CEBPZ: variants seen among roughly 807,000 people sequenced by gnomAD.
The protein encoded by CEBPZ is CCAAT/enhancer-binding protein zeta.
Under a neutral mutation model 104.5 loss-of-function variants are expected in CEBPZ, and 78 were observed. The ratio of observed to expected loss-of-function variants is 0.75; its 90% CI spans 0.62 to 0.90. The LOEUF (loss-of-function observed/expected upper bound fraction) is 0.90, where lower values mean the gene tolerates loss of function less well. Among genes scored for constraint, CEBPZ ranks in the 40% least tolerant of loss-of-function variants. CEBPZ has a pLI of 0.00. For missense variants in CEBPZ, 1,439 were observed against 1,233.5 expected, an observed-to-expected ratio of 1.17 and a Z score of -2.50; for synonymous variants, 470 against 427.0, an observed-to-expected ratio of 1.10 and a Z score of -1.24.
Position 37,211,839 on chromosome 2 carries a change from T to G in CEBPZ, c.2800+4A>C. 3.8e-6 allele frequency: 6 copies of G among 1,577,518 alleles called. No individual in the cohort carries two copies. The Middle Eastern group carries it at 5.1e-4, about 135-fold the overall frequency. On this transcript the variant is annotated splice_donor_region_variant and intron_variant, in intron 12 of 15. Transcript: ENST00000234170. The stretch of plus-strand genomic sequence containing the variant: ...GTTTATGTCTTATTTTAAAAAATGC[T>G]TACCTGGAACGCTCTCACTTTCATC...
intron 13 of CEBPZ, among the ~76,000 whole-genome samples, chr2:37,208,297 T>C (rs562481740): frequency 6.6e-6 from 1 of 152,238 alleles, no homozygotes; most frequent in South Asian, 2.1e-4. Flanking sequence ...AATCATTCAA[T>C]GAAGCCAATA....
At chr2:37,216,854 G>A (rs1664597401) in intron 6 of CEBPZ, 130 bp downstream of exon 6, 2 of 753,752 alleles carry the variant, frequency 2.7e-6, no homozygotes, top group East Asian at 2.7e-5. Flanking sequence ...ACAAGTCACT[G>A]CTTCTTTATA....
At position 37,227,784 on chromosome 2, in the gene CEBPZ, C is replaced by T. The variant is rs566727785; in HGVS notation, c.1409G>A (p.Arg470Gln). 36 of 1,613,538 alleles carry T rather than the reference C, an allele frequency of 2.2e-5. No homozygotes were observed. The highest frequency in any genetic ancestry group is 2.1e-4 in the African/African-American group (16 of 74,908). The change falls in exon 2 of 16, where the codon CGG becomes CAG. Residue 470 changes from arginine to glutamine, a missense_variant. Transcript: ENST00000234170. Reference sequence around the variant, plus strand: ...AACATCTTTTTTTTTGACACAAGTCCGAAAAAAGCAAAAGTAAACAGTTAT... The same window carrying T: ...AACATCTTTTTTTTTGACACAAGTCTGAAAAAAGCAAAAGTAAACAGTTAT... ...KLITVYFCFF[R>Q]TCVKKKDVES...
intron 1 of CEBPZ, among the ~76,000 whole-genome samples, chr2:37,229,624 C>A (rs999785200): frequency 9.2e-5 from 14 of 152,184 alleles, no homozygotes; most frequent in African/African-American, 3.1e-4. Context: ...ACTGACACAA[C>A]CTCCATGGAG....
In CEBPZ at chr2:37,228,843, T is replaced by C; in HGVS notation, c.350A>G (p.Glu117Gly). Reference protein sequence around the residue: ...PAEKENSSKKEVKIPKINNKN... With the variant: ...PAEKENSSKKGVKIPKINNKN... ...ATTATTTATTTTAGGTATTTTTACT[T>C]CTTTTTTGCTGGAATTTTCTTTTTC... The change falls in exon 2 of 16, where the codon GAA becomes GGA. Residue 117 changes from glutamate (E) to glycine (G), a missense_variant. Transcript: ENST00000234170. 6.2e-7 allele frequency: 1 copy of C among 1,600,926 alleles called. No homozygotes were observed. Among genetic ancestry groups the C allele is most frequent in the African/African-American group, 1.4e-5 (1 of 74,046 alleles).
chr2:37,209,407 T>C (rs1677646227), intron 13 of CEBPZ: 1 of 152,260 alleles, frequency 6.6e-6, no homozygotes, highest in South Asian at 2.1e-4. Flanking sequence ...TACTAGGCTA[T>C]TGTTACCAAA....
intron 13 of CEBPZ, 90 bp from the exon 14 acceptor site, chr2:37,203,098 T>C (rs924608763): frequency 1.0e-5 from 9 of 862,936 alleles, no homozygotes; most frequent in Non-Finnish European, 1.6e-5. Context: ...TTAAAAATTA[T>C]ACTTGGGTAA....
Position 37,216,164 on chromosome 2 carries a change from T to C in CEBPZ, c.2356A>G (p.Ile786Val), listed in dbSNP as rs1447390162. 1 of 1,612,876 alleles carries C rather than the reference T, an allele frequency of 6.2e-7. No homozygotes were observed. Among genetic ancestry groups the C allele is most frequent in the Admixed American group, 1.7e-5 (1 of 59,986 alleles). ...CCAGGAAGATGACGAATATCCTTAATAAAATGTTTTCTTTTCGGCTGCATC... is the reference window on the plus strand; with the variant it reads ...CCAGGAAGATGACGAATATCCTTAACAAAATGTTTTCTTTTCGGCTGCATC... The part of the protein sequence containing the change: ...VVMQPKRKHF[I>V]KDIRHLPVNS... Residue 786 changes from isoleucine (I) to valine (V), a missense_variant, in exon 8 of 16, where the codon ATT (isoleucine) becomes GTT (valine). Coordinates refer to ENST00000234170, the MANE Select transcript of CEBPZ (RefSeq NM_005760.3).
intron 1 of CEBPZ, 50 bp downstream of exon 1, chr2:37,231,362 T>TTCGG (rs1665091656): frequency 2.5e-6 from 4 of 1,610,512 alleles, no homozygotes; most frequent in Non-Finnish European, 3.4e-6. Flanking sequence ...CCTAGCCACC[T>TTCGG]TCGGAACTCT....
intron 1 of CEBPZ, 82 bp from the exon 2 acceptor site, chr2:37,229,118 T>A (rs1437691469): frequency 2.5e-6 from 3 of 1,221,328 alleles, no homozygotes; most frequent in East Asian, 2.9e-5. Flanking sequence ...AACATAATTT[T>A]AAAAATAATT....
chr2:37,229,630 T>C (rs1436177719), intron 1 of CEBPZ, among the ~76,000 whole-genome samples: 2 of 152,226 alleles, frequency 1.3e-5, no homozygotes, highest in Non-Finnish European at 2.9e-5. Context: ...ACAACCTCCA[T>C]GGAGGACAAT....
chr2:37,206,803 T>G (rs1462745773), intron 13 of CEBPZ, among the ~76,000 whole-genome samples: 2 of 152,188 alleles, frequency 1.3e-5, no homozygotes, highest in Non-Finnish European at 2.9e-5. Context: ...ATGAATAGAA[T>G]AGTACCTCAC....
intron 4 of CEBPZ, among the ~76,000 whole-genome samples, chr2:37,221,020 C>T (rs1420069165): frequency 6.6e-6 from 1 of 152,028 alleles, no homozygotes; most frequent in East Asian, 1.9e-4. Context: ...TAAAAGCTCC[C>T]TTCAAAACTT....
chr2:37,216,158 C>A lies in CEBPZ; in HGVS notation c.2362G>T (p.Asp788Tyr). The A allele has an allele frequency of 6.2e-7, 1 of 1,612,202 alleles. No individual in the cohort carries two copies. Among genetic ancestry groups the A allele is most frequent in the Non-Finnish European group, 8.5e-7 (1 of 1,179,072 alleles). ...TACTTACCAGGAAGATGACGAATAT[C>A]CTTAATAAAATGTTTTCTTTTCGGC... ...MQPKRKHFIK[D>Y]IRHLPVNSKE... Residue 788 changes from aspartate (D) to tyrosine (Y), a missense_variant, in exon 8 of 16, where the codon GAT becomes TAT. Coordinates refer to ENST00000234170, the MANE Select transcript of CEBPZ (RefSeq NM_005760.3).
rs1357532949 is a variant in CEBPZ, at chr2:37,231,448, G to C, written c.120C>G (p.Phe40Leu). Residue 40 changes from phenylalanine (F) to leucine (L), a missense_variant, in exon 1 of 16, where the codon TTC (phenylalanine) becomes TTG (leucine). Transcript: ENST00000234170. ...EDNTSEAENG[F>L]SLEEVLRLGG... The stretch of plus-strand genomic sequence containing the variant: ...CGAGCCGTAACACTTCCTCCAGGGA[G>C]AACCCATTCTCGGCTTCACTAGTAT... The C allele has an allele frequency of 2.5e-6, 4 of 1,614,094 alleles. No individual in the cohort carries two copies. The highest frequency in any genetic ancestry group is 2.7e-5 in the African/African-American group (2 of 74,930).
rs145891187 is a variant in CEBPZ, at chr2:37,224,312, C to T, written c.1650-911G>A. On this transcript the variant is annotated intron_variant, in intron 2 of 15. Coordinates refer to ENST00000234170, the MANE Select transcript of CEBPZ (RefSeq NM_005760.3). ...GCTGAATCCTACACATGTCCCCAAC[C>T]GGTCTAGACCTGCAGATATTAGGAC... Among the ~76,000 whole-genome samples the T allele has an allele frequency of 1.8e-3, 276 of 152,290 alleles. 1 individual carries two copies. Among genetic ancestry groups the T allele is most frequent in the African/African-American group, 6.3e-3 (263 of 41,542 alleles).
intron 2 of CEBPZ, among the ~76,000 whole-genome samples, chr2:37,224,773 T>G (rs1321966259): frequency 6.6e-6 from 1 of 152,112 alleles, no homozygotes; most frequent in Admixed American, 6.5e-5. Context: ...TAACTAGGGG[T>G]TTTCTTAATG....
chr2:37,223,070 C>T, intron 3 of CEBPZ, 100 bp downstream of exon 3: 1 of 939,748 alleles, frequency 1.1e-6, no homozygotes, highest in Non-Finnish European at 1.6e-6. Flanking sequence ...CTCATATGCT[C>T]CAGAGAACTA....
intron 12 of CEBPZ, 89 bp from the exon 13 acceptor site, chr2:37,211,171 G>T: frequency 1.2e-6 from 1 of 846,786 alleles, no homozygotes; most frequent in Non-Finnish European, 1.9e-6. Flanking sequence ...TCTTTATTCT[G>T]ATGGTAAGGC....
Sources: gnomAD v4.1 joint callset for allele counts (sites outside exome capture counted in the v4.1 genomes callset) on GRCh38, gnomAD v4.1.1 for gene constraint, MANE v1.5 for transcripts, NCBI Gene and HGNC (gene_info 2026-07-23, HGNC 2026-07-21) for gene names.